The following PYGB variants were observed in gnomAD, a reference collection of about 807,000 sequenced individuals.
The protein encoded by PYGB is glycogen phosphorylase B.
Under a neutral mutation model 94.3 loss-of-function variants are expected in PYGB, and 82 were observed. The observed-to-expected ratio is 0.87, with a 90% CI of 0.73 to 1.04. The LOEUF is 1.04. Among genes scored for constraint, PYGB ranks in the 50% least tolerant of loss-of-function variants. The probability of loss-of-function intolerance (pLI) is 0.00; values close to 1 mark genes in which losing one functional copy is unlikely to be tolerated. For missense variants in PYGB, 1,132 were observed against 1,158.2 expected, an observed-to-expected ratio of 0.98 and a Z score of 0.33; for synonymous variants, 488 against 479.1, an observed-to-expected ratio of 1.02 and a Z score of -0.24.
At chr20:25,287,783 C>T (rs1393442089) in intron 14 of PYGB, among the ~76,000 whole-genome samples, 1 of 152,184 alleles carries the variant, frequency 6.6e-6, no homozygotes, top group Non-Finnish European at 1.5e-5. Context: ...AGTTTGAAAC[C>T]AGCCTGGGCA....
intron 14 of PYGB, chr20:25,288,072 G>A: frequency 2.5e-6 from 1 of 406,000 alleles, no homozygotes; most frequent in South Asian, 2.1e-5. Flanking sequence ...CTCCTGTGTT[G>A]GGCTTTTCTG....
At chr20:25,278,561 T>G in intron 8 of PYGB, 99 bp downstream of exon 8, 1 of 1,495,892 alleles carries the variant, frequency 6.7e-7, no homozygotes, top group Non-Finnish European at 9.1e-7. Context: ...TAGAGTGGAA[T>G]GGTACATGCC....
intron 2 of PYGB, among the ~76,000 whole-genome samples, chr20:25,262,697 C>T (rs1262293078): frequency 6.8e-6 from 1 of 147,860 alleles, no homozygotes; most frequent in South Asian, 2.1e-4. Flanking sequence ...CAAGACCCAT[C>T]AGTGTGCTGT....
chr20:25,281,340 G>A (rs1323319914), intron 11 of PYGB, among the ~76,000 whole-genome samples: 1 of 152,324 alleles, frequency 6.6e-6, no homozygotes, highest in Middle Eastern at 3.4e-3. Flanking sequence ...CTGGCTCTGC[G>A]GGCAACGGGG....
chr20:25,276,623 T>G (rs1295651067), intron 5 of PYGB, 23 bp from the exon 6 acceptor site: 1 of 1,606,038 alleles, frequency 6.2e-7, no homozygotes, highest in African/African-American at 1.3e-5. Context: ...CACTCCGTCC[T>G]GAGCAACCCG....
chr20:25,292,335 C>G (rs2088475256), intron 16 of PYGB, 71 bp from the exon 17 acceptor site: 31 of 1,554,318 alleles, frequency 2.0e-5, no homozygotes, highest in Non-Finnish European at 2.7e-5. Context: ...CCGGCTTGTC[C>G]TGCAGTGAGC....
Position 25,259,329 on chromosome 20 carries a change from CATCT to C in PYGB, c.340_343del (p.Tyr114SerfsTer4). On this transcript the variant is annotated frameshift_variant, in exon 2 of 20. Transcript: ENST00000216962. LOFTEE classifies it high-confidence loss of function. ...GCCTTCAGAATGCCTGCGATGAAGCCATCTATCAGGTACAGAGCCTCATGGCCGG... is the reference window on the plus strand; with the variant it reads ...GCCTTCAGAATGCCTGCGATGAAGCCATCAGGTACAGAGCCTCATGGCCGG... 6.2e-7 allele frequency: 1 copy of C among 1,605,528 alleles called. No homozygotes were observed. Among genetic ancestry groups the C allele is most frequent in the Non-Finnish European group, 8.5e-7 (1 of 1,172,228 alleles).
intron 2 of PYGB, among the ~76,000 whole-genome samples, chr20:25,265,272 AGTTCC>A (rs2088206613): frequency 2.0e-5 from 3 of 151,156 alleles, no homozygotes; most frequent in Non-Finnish European, 4.4e-5. Flanking sequence ...ATCATATGGC[AGTTCC>A]ATTCTTAATT....
At chr20:25,286,091 C>G (rs2088415942) in intron 14 of PYGB, among the ~76,000 whole-genome samples, 1 of 152,238 alleles carries the variant, frequency 6.6e-6, no homozygotes, top group Admixed American at 6.5e-5. Context: ...AGTTCTCGAT[C>G]TCATCAGTGA....
At chr20:25,294,809 T>TA (rs2088514400) in intron 18 of PYGB, 1 of 750,852 alleles carries the variant, frequency 1.3e-6, no homozygotes, top group Non-Finnish European at 2.4e-6. Flanking sequence ...TATCTAGAGT[T>TA]ACAGACTTTG....
chr20:25,290,360 T>G (rs2088455008), intron 15 of PYGB, 121 bp from the exon 16 acceptor site: 2 of 1,322,652 alleles, frequency 1.5e-6, no homozygotes, highest in African/African-American at 1.5e-5. Context: ...CTACTGACCG[T>G]CCCGACGGCA....
In PYGB at chr20:25,290,513, C is replaced by A; in HGVS notation, c.1860C>A (p.Ile620=). 2 of 1,610,824 alleles carry A rather than the reference C, an allele frequency of 1.2e-6. No individual in the cohort carries two copies. Among genetic ancestry groups the A allele is most frequent in the Non-Finnish European group, 1.7e-6 (2 of 1,177,124 alleles). The change falls in exon 16 of 20, where the codon ATC becomes ATA. Residue 620 remains isoleucine (I), a synonymous_variant. Transcript: ENST00000216962. ...AAPGYHMAKL[I]IKLVTSIGDV... ...CCGGTTACCACATGGCCAAGCTGATCATCAAGTTGGTCACCTCCATCGGCG... is the reference window on the plus strand; with the variant it reads ...CCGGTTACCACATGGCCAAGCTGATAATCAAGTTGGTCACCTCCATCGGCG...
chr20:25,295,289 C>T (rs2088523756), intron 18 of PYGB, among the ~76,000 whole-genome samples: 1 of 152,264 alleles, frequency 6.6e-6, no homozygotes, highest in Non-Finnish European at 1.5e-5. Flanking sequence ...GCCCAGGAGG[C>T]CTCTCCCATG....
Position 25,274,700 on chromosome 20 carries a change from G to T in PYGB, c.637G>T (p.Gly213Cys). 2.5e-6 allele frequency: 4 copies of T among 1,613,310 alleles called. No homozygotes were observed. The highest frequency in any genetic ancestry group is 1.7e-5 in the Admixed American group (1 of 60,008). ...CGGACGCGTGGAGCACACCCCCGAC[G>T]GCGTGAAGTGGCTGGACACACAGGT... ...FYGRVEHTPDGVKWLDTQVVL... is the reference protein window; with the variant it reads ...FYGRVEHTPDCVKWLDTQVVL... The change falls in exon 5 of 20, where the codon GGC becomes TGC. Residue 213 changes from glycine (G) to cysteine (C), a missense_variant. By Grantham distance (159) the Gly-to-Cys change is radical (BLOSUM62 -3). Transcript: ENST00000216962.
chr20:25,251,751 C>T (rs1364696790), intron 1 of PYGB, among the ~76,000 whole-genome samples: 1 of 152,222 alleles, frequency 6.6e-6, no homozygotes, highest in African/African-American at 2.4e-5. Flanking sequence ...TGACCTGCAG[C>T]ACCCCTGCAG....
chr20:25,294,715 G>A, intron 18 of PYGB: 1 of 613,930 alleles, frequency 1.6e-6, no homozygotes, highest in South Asian at 1.8e-5. Flanking sequence ...ACAGGCAGTG[G>A]TGAAAATGGA....
chr20:25,274,506 C>T (rs1477164721), intron 4 of PYGB, 86 bp from the exon 5 acceptor site: 12 of 1,517,184 alleles, frequency 7.9e-6, no homozygotes, highest in South Asian at 3.9e-5. Flanking sequence ...TGTGTGATCT[C>T]GACCGCACGG....
chr20:25,275,084 G>A lies in PYGB; in HGVS notation c.660+361G>A, dbSNP rs934403455. 6.6e-5 allele frequency among the ~76,000 whole-genome samples: 10 copies of A among 152,230 alleles called. No individual in the cohort carries two copies. The East Asian group carries it at 1.2e-3, about 18-fold the overall frequency. On this transcript the variant is annotated intron_variant, in intron 5 of 19. Coordinates refer to ENST00000216962, the MANE Select transcript of PYGB (RefSeq NM_002862.4). ...GGGTGTTCTGATGGGATGGGGGCAC[G>A]GACCCCCAGGGTGGGCGAAAACAGC...
At position 25,248,406 on chromosome 20, in the gene PYGB, C is replaced by T. The variant is rs1272631226; in HGVS notation, c.228C>T (p.Tyr76=). The T allele has an allele frequency of 2.2e-5, 34 of 1,547,876 alleles. No homozygotes were observed. The highest frequency in any genetic ancestry group is 2.8e-5 in the Non-Finnish European group (32 of 1,146,474). ...GGATCCGCACGCAGCAGCACTACTA[C>T]GAGCGCGACCCCAAGGTGAGGCGCT... is the stretch of plus-strand genomic sequence containing the variant. The part of the protein sequence containing the change: ...GRWIRTQQHY[Y]ERDPKRIYYL... The change falls in exon 1 of 20, where the codon TAC becomes TAT. Residue 76 remains tyrosine, a synonymous_variant. Coordinates refer to ENST00000216962, the MANE Select transcript of PYGB (RefSeq NM_002862.4).
Sources: allele counts gnomAD v4.1 joint callset (sites outside exome capture counted in the v4.1 genomes callset), GRCh38; gene constraint gnomAD v4.1.1; transcripts MANE v1.5; gene names NCBI Gene and HGNC (gene_info 2026-07-23, HGNC 2026-07-21).